The following PARD3B variants were observed in gnomAD, a reference collection of about 807,000 sequenced individuals.
The protein encoded by PARD3B is partitioning defective 3 homolog B.
Under a neutral mutation model 130.2 loss-of-function variants are expected in PARD3B, and 103 were observed. The observed-to-expected ratio is 0.79, with a 90% confidence interval of 0.67 to 0.93. The LOEUF is 0.93. Among genes scored for constraint, PARD3B ranks in the 40% least tolerant of loss-of-function variants. The probability of loss-of-function intolerance (pLI) is 0.00; values close to 1 mark genes in which losing one functional copy is unlikely to be tolerated. For missense variants in PARD3B, 1,609 were observed against 1,499.2 expected (o/e 1.07, Z -1.21); for synonymous variants, 583 against 553.2 (o/e 1.05, Z -0.76).
At chr2:205,524,418 A>G (rs541430735) in intron 21 of PARD3B, among the ~76,000 whole-genome samples, 1 of 152,290 alleles carries the variant, frequency 6.6e-6, no homozygotes, top group South Asian at 2.1e-4. Context: ...GAGTGGAGCC[A>G]AAACCCTCAA....
At chr2:204,909,176 T>C (rs1356807577) in intron 2 of PARD3B, among the ~76,000 whole-genome samples, 1 of 152,176 alleles carries the variant, frequency 6.6e-6, no homozygotes. Context: ...TTTGTCAAGA[T>C]ATTAAATTTG....
intron 4 of PARD3B, chr2:205,048,320 A>G (rs1698943008): frequency 6.6e-6 from 1 of 152,206 alleles, no homozygotes; most frequent in African/African-American, 2.4e-5. Context: ...AAAAGTGCTT[A>G]TAACCAGATA....
chr2:204,921,122 T>C (rs2047661179), intron 2 of PARD3B, among the ~76,000 whole-genome samples: 1 of 152,222 alleles, frequency 6.6e-6, no homozygotes, highest in African/African-American at 2.4e-5. Context: ...TGAATTTTAT[T>C]TCATTTCTGA....
chr2:204,794,433 T>C (rs2042300162), intron 2 of PARD3B, among the ~76,000 whole-genome samples: 1 of 152,150 alleles, frequency 6.6e-6, no homozygotes, highest in African/African-American at 2.4e-5. Flanking sequence ...CTGGTAGTGG[T>C]TTATCAAATG....
At chr2:204,609,835 A>T (rs2033860222) in intron 1 of PARD3B, among the ~76,000 whole-genome samples, 1 of 152,184 alleles carries the variant, frequency 6.6e-6, no homozygotes, top group African/African-American at 2.4e-5. Context: ...TAAATAAGAG[A>T]TTAAATGAGA....
At chr2:204,854,826 C>T (rs753134348) in intron 2 of PARD3B, among the ~76,000 whole-genome samples, 11 of 152,058 alleles carry the variant, frequency 7.2e-5, no homozygotes, top group South Asian at 2.1e-4. Context: ...TTCATCACTG[C>T]GCGCCAGGAA....
chr2:205,614,846 G>C (rs544938358), intron 22 of PARD3B, among the ~76,000 whole-genome samples: 1 of 152,224 alleles, frequency 6.6e-6, no homozygotes, highest in South Asian at 2.1e-4. Context: ...GTTAGACCAA[G>C]ATGACAGCCC....
intron 1 of PARD3B, among the ~76,000 whole-genome samples, chr2:204,642,027 C>T (rs1156969189): frequency 2.0e-5 from 3 of 152,164 alleles, no homozygotes; most frequent in African/African-American, 4.8e-5. Flanking sequence ...CTGGAGGCTT[C>T]AGGATATACT....
Position 205,270,949 on chromosome 2 carries a change from G to A in PARD3B, c.2185+25127G>A, listed in dbSNP as rs556834964. On this transcript the variant is annotated intron_variant, in intron 16 of 22. Coordinates refer to ENST00000406610, the MANE Select transcript of PARD3B (RefSeq NM_001302769.2). ...AAAGGCTAGGAAGTAAGAACATACCGGATTTTCTCGCCTCTCCTCCAGAGG... is the reference window on the plus strand; with the variant it reads ...AAAGGCTAGGAAGTAAGAACATACCAGATTTTCTCGCCTCTCCTCCAGAGG... 1.6e-4 allele frequency among the ~76,000 whole-genome samples: 24 copies of A among 152,152 alleles called. No individual in the cohort carries two copies. The South Asian group carries it at 3.9e-3, about 25-fold the overall frequency.
Position 205,146,193 on chromosome 2 carries a change from T to A in PARD3B, c.1435-12529T>A, listed in dbSNP as rs549000348. On this transcript the variant is annotated intron_variant, in intron 10 of 22. Coordinates refer to ENST00000406610, the MANE Select transcript of PARD3B (RefSeq NM_001302769.2). This position sits in a 1 kb window ranked among gnomAD's most constrained non-coding sequence, Gnocchi z 4.3. ...TACTGTCATTTATGTTTCATTCTTG[T>A]CCTTGATGTTGTGCTATCTTTTAAA... Among the ~76,000 whole-genome samples, 7 of 152,242 alleles carry A rather than the reference T, an allele frequency of 4.6e-5. No homozygotes were observed. The highest frequency in any genetic ancestry group is 1.0e-4 in the Non-Finnish European group (7 of 68,038).
intron 2 of PARD3B, among the ~76,000 whole-genome samples, chr2:204,940,353 A>T (rs1688805109): frequency 6.6e-6 from 1 of 152,212 alleles, no homozygotes; most frequent in Non-Finnish European, 1.5e-5. Context: ...AGTTAAAGGG[A>T]TAAATCAGAA....
intron 2 of PARD3B, among the ~76,000 whole-genome samples, chr2:204,712,800 G>T (rs1244803784): frequency 6.6e-6 from 1 of 151,956 alleles, no homozygotes; most frequent in Non-Finnish European, 1.5e-5. Flanking sequence ...TCTATGTGCT[G>T]CCCTCCAGTC....
At chr2:204,749,760 T>C (rs1454101576) in intron 2 of PARD3B, among the ~76,000 whole-genome samples, 1 of 152,184 alleles carries the variant, frequency 6.6e-6, no homozygotes, top group Non-Finnish European at 1.5e-5. Flanking sequence ...TATAATACTT[T>C]CTACACCAGC....
intron 18 of PARD3B, among the ~76,000 whole-genome samples, chr2:205,373,049 A>C (rs371583405): frequency 1.3e-5 from 2 of 152,334 alleles, no homozygotes; most frequent in East Asian, 3.9e-4. Flanking sequence ...TTTTAGTATT[A>C]AAAATGTAGA....
chr2:204,954,966 G>A (rs1218416225), intron 2 of PARD3B, among the ~76,000 whole-genome samples: 1 of 152,092 alleles, frequency 6.6e-6, no homozygotes, highest in African/African-American at 2.4e-5. Context: ...AAAGCAGAAA[G>A]GTTCCTTTTT....
In PARD3B at chr2:205,562,167, C is replaced by A. The variant is rs771848089; in HGVS notation, c.3260+8764C>A. ...TGCTACTGCCACCTCATTTTTATGT[C>A]ACTTAGTTCCTCAGATAAAAGTCCA... On this transcript the variant is annotated intron_variant, in intron 22 of 22. Coordinates refer to ENST00000406610, the MANE Select transcript of PARD3B (RefSeq NM_001302769.2). The surrounding 1 kb of genome is among the most constrained non-coding windows in gnomAD (Gnocchi z 5.4). Among the ~76,000 whole-genome samples, 40 of 152,212 alleles carry A rather than the reference C, an allele frequency of 2.6e-4. No individual in the cohort carries two copies. Among genetic ancestry groups the A allele is most frequent in the Admixed American group, 9.2e-4 (14 of 15,276 alleles).
At chr2:204,765,082 G>A (rs2041085340) in intron 2 of PARD3B, among the ~76,000 whole-genome samples, 1 of 152,112 alleles carries the variant, frequency 6.6e-6, no homozygotes. Flanking sequence ...AGCAAGATGG[G>A]ATTTGGTTAA....
intron 1 of PARD3B, among the ~76,000 whole-genome samples, chr2:204,552,956 A>G (rs561764481): frequency 6.6e-6 from 1 of 152,230 alleles, no homozygotes; most frequent in Non-Finnish European, 1.5e-5. Flanking sequence ...AACAGTCAGC[A>G]GTGTAAACAG....
At chr2:205,096,059 A>G (rs1196185742) in intron 4 of PARD3B, among the ~76,000 whole-genome samples, 1 of 152,138 alleles carries the variant, frequency 6.6e-6, no homozygotes, top group African/African-American at 2.4e-5. Context: ...AAGAAAGTAT[A>G]AAAGTGTTAT....
Sources: allele counts gnomAD v4.1 joint callset (sites outside exome capture counted in the v4.1 genomes callset), GRCh38; gene constraint gnomAD v4.1.1; non-coding constraint Gnocchi (gnomAD v3.1); transcripts MANE v1.5; gene names NCBI Gene and HGNC (gene_info 2026-07-23, HGNC 2026-07-21).